Variants in LEF1 observed in about 807,000 individuals in gnomAD.
The protein encoded by LEF1 is lymphoid enhancer-binding factor 1.
A neutral mutation model predicts 51.2 loss-of-function variants in LEF1; 14 were observed. The ratio of observed to expected loss-of-function variants is 0.27; its 90% CI spans 0.18 to 0.43. The LOEUF is 0.43. LEF1 is among the 20% of genes least tolerant of loss of function. The probability of loss-of-function intolerance (pLI) is 1.00; values close to 1 mark genes in which losing one functional copy is unlikely to be tolerated. For missense variants in LEF1, 386 were observed against 512.0 expected (o/e 0.75, Z 2.37); for synonymous variants, 185 against 183.2 (o/e 1.01, Z -0.08).
intron 3 of LEF1, among the ~76,000 whole-genome samples, chr4:108,120,939 C>G (rs905520631): frequency 2.6e-5 from 4 of 152,116 alleles, no homozygotes; most frequent in African/African-American, 9.7e-5. Context: ...TTTTGATAAC[C>G]AAGTCTACCA....
chr4:108,133,675 CTG>C lies in LEF1; in HGVS notation c.414+29891_414+29892del, dbSNP rs546921574. On this transcript the variant is annotated intron_variant, in intron 3 of 11. Transcript: ENST00000265165. ...GCATGTGCCCACTGCACTGGCAAAA[CTG>C]TGTCTTTTAAATCAATAAATGCGGG... Among the ~76,000 whole-genome samples, 6 of 152,314 alleles carry C rather than the reference CTG, an allele frequency of 3.9e-5. No homozygotes were observed. The South Asian group carries it at 1.2e-3, about 32-fold the overall frequency.
chr4:108,157,338 A>T (rs773699270), intron 3 of LEF1, among the ~76,000 whole-genome samples: 10 of 151,894 alleles, frequency 6.6e-5, no homozygotes, highest in African/African-American at 1.5e-4. Context: ...GTAGCTTGGC[A>T]CCTGCCACCA....
chr4:108,163,668 C>T lies in LEF1; in HGVS notation c.314G>A (p.Gly105Glu). ...CCCGGAATAACTCGAGTAGGAGGGT[C>T]CCTTGTTGTAGAGGCCTCCATCTGG... ...KHPDGGLYNKGPSYSSYSGYI... is the reference protein window; with the variant it reads ...KHPDGGLYNKEPSYSSYSGYI... The change falls in exon 3 of 12, where the codon GGA (glycine) becomes GAA (glutamate). Residue 105 changes from glycine (G) to glutamate (E), a missense_variant. This residue lies in a region of LEF1 where 335 missense variants were observed against 390.7 expected (regional missense o/e 0.86). Coordinates refer to ENST00000265165, the MANE Select transcript of LEF1 (RefSeq NM_016269.5). 1.9e-6 allele frequency: 3 copies of T among 1,613,828 alleles called. No homozygotes were observed. Among genetic ancestry groups the T allele is most frequent in the Non-Finnish European group, 2.5e-6 (3 of 1,179,806 alleles).
chr4:108,099,604 A>G (rs1334272389), intron 3 of LEF1, among the ~76,000 whole-genome samples: 29 of 124,902 alleles, frequency 2.3e-4, no homozygotes, highest in South Asian at 1.5e-3. Flanking sequence ...ATATATATAT[A>G]TATATATATA....
intron 3 of LEF1, among the ~76,000 whole-genome samples, chr4:108,143,662 C>A (rs571379149): frequency 2.0e-5 from 3 of 152,286 alleles, no homozygotes; most frequent in Middle Eastern, 3.4e-3. Context: ...CAATCCCCTG[C>A]CCCCGCCTTC....
At chr4:108,128,078 T>C (rs1260494866) in intron 3 of LEF1, among the ~76,000 whole-genome samples, 2 of 152,228 alleles carry the variant, frequency 1.3e-5, no homozygotes, top group African/African-American at 4.8e-5. Flanking sequence ...ACCAGTAAGT[T>C]CAGTGCATTA....
At chr4:108,076,451 C>G (rs553593894) in intron 8 of LEF1, among the ~76,000 whole-genome samples, 1 of 152,122 alleles carries the variant, frequency 6.6e-6, no homozygotes. Context: ...TCACTGCAAC[C>G]TCCGCCTCCC....
At chr4:108,138,419 T>C (rs1482816653) in intron 3 of LEF1, among the ~76,000 whole-genome samples, 1 of 152,130 alleles carries the variant, frequency 6.6e-6, no homozygotes, top group Non-Finnish European at 1.5e-5. Flanking sequence ...CTTTAGGAAC[T>C]TGCATGGCAG....
At chr4:108,122,478 A>ATTTTTG (rs1210131323) in intron 3 of LEF1, among the ~76,000 whole-genome samples, 1 of 151,304 alleles carries the variant, frequency 6.6e-6, no homozygotes, top group Non-Finnish European at 1.5e-5. Context: ...CCACCCATTC[A>ATTTTTG]TTTTTGTTTT....
At chr4:108,093,628 G>A (rs1445742820) in intron 3 of LEF1, among the ~76,000 whole-genome samples, 1 of 152,090 alleles carries the variant, frequency 6.6e-6, no homozygotes, top group African/African-American at 2.4e-5. Flanking sequence ...TCAGTGACTT[G>A]TTTAAGCTCA....
rs77631499 is a variant in LEF1, at chr4:108,100,610, T to A, written c.415-11353A>T. ...GTATCTTTCCCGAGAGCAATCTACA[T>A]TACCCTGAATTTACAGTAGTGTCCA... is the stretch of plus-strand genomic sequence containing the variant. On this transcript the variant is annotated intron_variant, in intron 3 of 11. Transcript: ENST00000265165. 7.7e-4 allele frequency among the ~76,000 whole-genome samples: 117 copies of A among 152,296 alleles called. 1 individual carries two copies. In the East Asian group the frequency reaches 0.014, roughly 18 times the overall value.
chr4:108,116,216 A>G (rs1316635499), intron 3 of LEF1, among the ~76,000 whole-genome samples: 2 of 152,170 alleles, frequency 1.3e-5, no homozygotes, highest in Non-Finnish European at 2.9e-5. Flanking sequence ...AAAGAGAAAC[A>G]GTAAGCAAGA....
intron 8 of LEF1, among the ~76,000 whole-genome samples, chr4:108,073,543 T>C (rs1738635385): frequency 6.6e-6 from 1 of 152,190 alleles, no homozygotes; most frequent in African/African-American, 2.4e-5. Context: ...ATTTGACAAC[T>C]ATCATTCCCC....
chr4:108,128,900 T>G (rs1216400369), intron 3 of LEF1, among the ~76,000 whole-genome samples: 4 of 152,164 alleles, frequency 2.6e-5, no homozygotes, highest in Non-Finnish European at 4.4e-5. Flanking sequence ...CCCATAAAAA[T>G]GTCCATCATA....
rs779954245 is a variant in LEF1, at chr4:108,078,276, C to T, written c.952G>A (p.Val318Ile). ...CTTTCTTTTAGAGTACACTCAGCAA[C>T]GACATTCGCTCTCATTTCTTTCATG... The part of the protein sequence containing the change: ...LYMKEMRANV[V>I]AECTLKESAA... The change falls in exon 8 of 12, where the codon GTT (valine) becomes ATT (isoleucine). Residue 318 changes from valine to isoleucine, a missense_variant. Around this residue, in one of 2 missense-constraint regions of LEF1, gnomAD observed 51 missense variants for 121.3 expected, o/e 0.42. Coordinates refer to ENST00000265165, the MANE Select transcript of LEF1 (RefSeq NM_016269.5). 7.4e-6 allele frequency: 12 copies of T among 1,614,058 alleles called. No individual in the cohort carries two copies. The highest frequency in any genetic ancestry group is 1.6e-4 in the Middle Eastern group (1 of 6,084).
chr4:108,089,276 G>A lies in LEF1; in HGVS notation c.415-19C>T. The A allele has an allele frequency of 6.2e-7, 1 of 1,610,066 alleles. No individual in the cohort carries two copies. Among genetic ancestry groups the A allele is most frequent in the Non-Finnish European group, 8.5e-7 (1 of 1,177,826 alleles). On this transcript the variant is annotated intron_variant, in intron 3 of 11. Coordinates refer to ENST00000265165, the MANE Select transcript of LEF1 (RefSeq NM_016269.5). Reference sequence around the variant, plus strand: ...TATTTGACTGCAAAGTAACCACAAGGTCAATAGTTAATATGGATGCCCAGC... The same window carrying A: ...TATTTGACTGCAAAGTAACCACAAGATCAATAGTTAATATGGATGCCCAGC...
intron 3 of LEF1, among the ~76,000 whole-genome samples, chr4:108,153,539 G>A (rs760289550): frequency 3.3e-5 from 5 of 152,168 alleles, no homozygotes; most frequent in Admixed American, 1.3e-4. Flanking sequence ...TAACCACAAC[G>A]AAAGTTGAAT....
At position 108,167,732 on chromosome 4, in the gene LEF1, C is replaced by T; in HGVS notation, c.36G>A (p.Gly12=). 6.2e-7 allele frequency: 1 copy of T among 1,613,550 alleles called. No homozygotes were observed. The highest frequency in any genetic ancestry group is 1.7e-5 in the Admixed American group (1 of 60,032). The part of the protein sequence containing the change: ...PQLSGGGGGG[G]GDPELCATDE... ...CCGTGGCGCAGAGTTCCGGGTCCCC[C>T]CCGCCGCCGCCACCTCCTCCGGAGA... Residue 12 remains glycine, a synonymous_variant, in exon 1 of 12, where the codon GGG becomes GGA. Coordinates refer to ENST00000265165, the MANE Select transcript of LEF1 (RefSeq NM_016269.5). The surrounding 1 kb of genome is among the most constrained non-coding windows in gnomAD (Gnocchi z 5.7).
chr4:108,155,552 TAG>T (rs2110405130), intron 3 of LEF1, among the ~76,000 whole-genome samples: 1 of 152,270 alleles, frequency 6.6e-6, no homozygotes, highest in South Asian at 2.1e-4. Context: ...GTTTCCCGGG[TAG>T]AGTCAAGCAC....
Sources: allele counts gnomAD v4.1 joint callset (sites outside exome capture counted in the v4.1 genomes callset), GRCh38; gene constraint gnomAD v4.1.1; regional missense constraint gnomAD v4.1.1; non-coding constraint Gnocchi (gnomAD v3.1); transcripts MANE v1.5; gene names NCBI Gene and HGNC (gene_info 2026-07-23, HGNC 2026-07-21).